The following ZNF541 variants were observed in gnomAD, a reference collection of about 807,000 sequenced individuals.
ZNF541 encodes zinc finger protein 541.
Under a neutral mutation model 123.5 loss-of-function variants are expected in ZNF541, and 23 were observed. That is an observed-to-expected ratio of 0.19 (90% CI 0.13 to 0.26). The LOEUF is 0.26. Ranked by LOEUF, ZNF541 falls within the 10% of genes least tolerant of loss-of-function variation. The pLI, the probability that ZNF541 is intolerant of heterozygous loss-of-function variation, is 1.00. For synonymous variants in ZNF541, 751 were observed against 754.5 expected (o/e 1.00, Z 0.08); for missense variants, 1,612 against 1,789.9 (o/e 0.90, Z 1.79).
At chr19:47,555,359 G>A in intron 3 of ZNF541, among the ~76,000 whole-genome samples, 191 bp downstream of exon 3, 1 of 139,726 alleles carries the variant, frequency 7.2e-6, no homozygotes. Context: ...AACAGAGCAA[G>A]ACTCCATCTC....
chr19:47,527,402 C>T (rs1424589174), intron 14 of ZNF541, among the ~76,000 whole-genome samples: 1 of 152,014 alleles, frequency 6.6e-6, no homozygotes, highest in Non-Finnish European at 1.5e-5. Flanking sequence ...CATCCTTTGG[C>T]TTTTTTCGGG....
Position 47,545,995 on chromosome 19 carries a change from A to AAGC in ZNF541, c.549-18_549-16dup. ...TGTGCCCGGTCCTGGAGCCAGACAC[A>AAGC]AGCAGGGGCGTCACCGGGGCACCTG... On this transcript the variant is annotated splice_polypyrimidine_tract_variant and intron_variant, in intron 4 of 16. Coordinates refer to ENST00000391901, the MANE Select transcript of ZNF541 (RefSeq NM_001277075.3). This position sits in a 1 kb window ranked among gnomAD's most constrained non-coding sequence, Gnocchi z 7.5. The AAGC allele has an allele frequency of 1.4e-6, 2 of 1,445,440 alleles. No homozygotes were observed. The highest frequency in any genetic ancestry group is 1.8e-6 in the Non-Finnish European group (2 of 1,092,608). The allele number at this position is 1,445,440 out of a possible 1,614,324, so 89.5% of individuals were successfully genotyped here.
chr19:47,547,222 C>G (rs1008267874), intron 4 of ZNF541, among the ~76,000 whole-genome samples: 1 of 152,062 alleles, frequency 6.6e-6, no homozygotes, highest in East Asian at 1.9e-4. Flanking sequence ...GAATCTGTGC[C>G]TTACCGTAGG....
rs577826431 is a variant in ZNF541 at position 47,562,239 on chromosome 19, TC to T, written c.-98-6286del. Among the ~76,000 whole-genome samples, 297 of 119,832 alleles carry T rather than the reference TC, an allele frequency of 2.5e-3. 4 individuals carry two copies. In the Middle Eastern group the frequency reaches 0.032, roughly 13 times the overall value. 78.6% of individuals were successfully genotyped at this position (119,832 alleles called of 152,430 possible). On this transcript the variant is annotated intron_variant, in intron 2 of 16. Coordinates refer to ENST00000391901, the MANE Select transcript of ZNF541 (RefSeq NM_001277075.3). Reference sequence around the variant, plus strand: ...ACTCCAGCCTGGGCGACAGAGACTGTCTCCCCAAAAAAAACAAAAACAGGCC... The same window carrying T: ...ACTCCAGCCTGGGCGACAGAGACTGTTCCCCAAAAAAAACAAAAACAGGCC...
intron 14 of ZNF541, among the ~76,000 whole-genome samples, chr19:47,524,511 C>T (rs1041891276): frequency 6.6e-6 from 1 of 151,422 alleles, no homozygotes; most frequent in Non-Finnish European, 1.5e-5. Flanking sequence ...TTTGAGACCA[C>T]CCTGGCCAAC....
chr19:47,538,957 C>T (rs927537690), intron 8 of ZNF541, among the ~76,000 whole-genome samples: 1 of 152,168 alleles, frequency 6.6e-6, no homozygotes, highest in Non-Finnish European at 1.5e-5. Context: ...AAAATCTCCT[C>T]TCCGCTCTGC....
At chr19:47,531,543 GC>G (rs1238013499) in intron 12 of ZNF541, 98 bp downstream of exon 12, 4 of 923,858 alleles carry the variant, frequency 4.3e-6, no homozygotes, top group Non-Finnish European at 6.2e-6. Context: ...CCTTCTTCCA[GC>G]TTCCATCCGC....
In ZNF541 at chr19:47,564,634, C is replaced by T. The variant is rs186494262; in HGVS notation, c.-99+7262G>A. 9.2e-4 allele frequency among the ~76,000 whole-genome samples: 140 copies of T among 152,134 alleles called. 1 individual carries two copies. The highest frequency in any genetic ancestry group is 3.3e-3 in the African/African-American group (136 of 41,512). On this transcript the variant is annotated intron_variant, in intron 2 of 16. Coordinates refer to ENST00000391901, the MANE Select transcript of ZNF541 (RefSeq NM_001277075.3). ...TACCACCTTACTCCTGCAAGAATGG[C>T]CGTAATCAAAAAATAAAAAAATAAC...
At position 47,544,106 on chromosome 19, in the gene ZNF541, A is replaced by C. The variant is rs918241583; in HGVS notation, c.2403+20T>G. On this transcript the variant is annotated intron_variant, in intron 5 of 16. Transcript: ENST00000391901. ...AAACTCACTCCACTCTGGTCAGGCC[A>C]CGTGAGAGAGAGCTGGTACCTGGAT... The C allele has an allele frequency of 1.3e-6, 2 of 1,532,866 alleles. No homozygotes were observed. The highest frequency in any genetic ancestry group is 2.8e-5 in the African/African-American group (2 of 72,574). 95.0% of individuals were successfully genotyped at this position (1,532,866 alleles called of 1,614,324 possible).
At chr19:47,536,851 A>G (rs962199950) in intron 9 of ZNF541, among the ~76,000 whole-genome samples, 2 of 152,218 alleles carry the variant, frequency 1.3e-5, no homozygotes, top group African/African-American at 4.8e-5. Flanking sequence ...CCATCAACTG[A>G]TAAATAAACA....
chr19:47,530,538 A>C (rs117518488), intron 12 of ZNF541, among the ~76,000 whole-genome samples: 2,508 of 152,256 alleles, frequency 0.016, 26 homozygotes, highest in Non-Finnish European at 0.027. Flanking sequence ...CAGGGATTTT[A>C]TCTCAATCAC....
At chr19:47,527,338 A>AT (rs964189175) in intron 14 of ZNF541, among the ~76,000 whole-genome samples, 18 of 149,624 alleles carry the variant, frequency 1.2e-4, no homozygotes, top group African/African-American at 1.2e-4. Flanking sequence ...TATACATCCA[A>AT]TTTTTTTTTT....
rs983416448 is a variant in ZNF541 at position 47,529,593 on chromosome 19, A to T, written c.3465T>A (p.Ala1155=). 5.2e-6 allele frequency: 8 copies of T among 1,551,582 alleles called. No homozygotes were observed. Among genetic ancestry groups the T allele is most frequent in the African/African-American group, 1.4e-5 (1 of 73,058 alleles). Residue 1155 remains alanine, a synonymous_variant, in exon 13 of 17, where the codon GCT becomes GCA. Transcript: ENST00000391901. ...GPHKPRTHLL[A]DYRYTGSDVW... is the part of the protein sequence containing the mutation. ...CCCCGTCACCTGTGTAGCGATAGTC[A>T]GCGAGCAGGTGTGTCCGTGGCTTGT...
intron 3 of ZNF541, among the ~76,000 whole-genome samples, chr19:47,555,067 T>TAA (rs1198309189): frequency 2.4e-5 from 3 of 124,714 alleles, no homozygotes; most frequent in Non-Finnish European, 1.7e-5. Flanking sequence ...GTACTCTGCC[T>TAA]AAAAAAAAAA....
chr19:47,529,172 CAA>C (rs1204442665), intron 13 of ZNF541, 134 bp from the exon 14 acceptor site: 4 of 686,146 alleles, frequency 5.8e-6, no homozygotes, highest in Admixed American at 5.6e-5. Context: ...ATAAAAAACT[CAA>C]AAAGTCTCCA....
At chr19:47,567,511 C>G (rs550623328) in intron 2 of ZNF541, among the ~76,000 whole-genome samples, 2 of 152,344 alleles carry the variant, frequency 1.3e-5, no homozygotes, top group East Asian at 3.9e-4. Context: ...CCGCCCTCCT[C>G]GGCTTCCCAA....
chr19:47,533,153 G>A (rs1384610005), intron 9 of ZNF541, among the ~76,000 whole-genome samples, 181 bp from the exon 10 acceptor site: 1 of 151,578 alleles, frequency 6.6e-6, no homozygotes, highest in Non-Finnish European at 1.5e-5. Context: ...AGGATCACGA[G>A]GTCAGGAGAT....
intron 8 of ZNF541, 131 bp downstream of exon 8, chr19:47,539,574 T>C: frequency 9.5e-7 from 1 of 1,052,370 alleles, no homozygotes; most frequent in Non-Finnish European, 1.3e-6. Context: ...AGTGCTGGGA[T>C]TACAGGCATG....
Position 47,539,303 on chromosome 19 carries a change from T to C in ZNF541, c.2796+402A>G, listed in dbSNP as rs965569176. On this transcript the variant is annotated intron_variant, in intron 8 of 16. Transcript: ENST00000391901. The stretch of plus-strand genomic sequence containing the variant: ...TCTTCTGGATCAAGATTTTCTTTTT[T>C]TTTTTTTTTTTTTTGAGACAGAGTC... Among the ~76,000 whole-genome samples, 11 of 149,792 alleles carry C rather than the reference T, an allele frequency of 7.3e-5. 1 individual carries two copies. Among genetic ancestry groups the C allele is most frequent in the African/African-American group, 2.2e-4 (9 of 40,906 alleles).
Sources: gnomAD v4.1 joint callset for allele counts (sites outside exome capture counted in the v4.1 genomes callset) on GRCh38, gnomAD v4.1.1 for gene constraint, Gnocchi (gnomAD v3.1) non-coding constraint, MANE v1.5 for transcripts, NCBI Gene and HGNC (gene_info 2026-07-23, HGNC 2026-07-21) for gene names.